Variants in PTPRG observed in about 807,000 individuals in gnomAD.
PTPRG encodes receptor-type tyrosine-protein phosphatase gamma.
In PTPRG, 102 loss-of-function variants were observed where a neutral mutation model predicts 165.3. That is an observed-to-expected ratio of 0.62 (90% CI 0.53 to 0.73). The LOEUF (loss-of-function observed/expected upper bound fraction) is 0.73, where lower values mean the gene tolerates loss of function less well. Among genes scored for constraint, PTPRG ranks in the 30% least tolerant of loss-of-function variants. The probability of loss-of-function intolerance (pLI) is 0.00; values close to 1 mark genes in which losing one functional copy is unlikely to be tolerated. For synonymous variants in PTPRG, 675 were observed against 669.5 expected (o/e 1.01, Z -0.13); for missense variants, 1,866 against 1,861.4 (o/e 1.00, Z -0.05).
In PTPRG at chr3:61,590,803, A is replaced by G. The variant is rs145380932; in HGVS notation, c.85+28431A>G. ...TTAGCATAGTCTTTTTAGTTACAGT[A>G]TAGTATTCTATTGTTGAAAATATGT... On this transcript the variant is annotated intron_variant, in intron 1 of 29. Transcript: ENST00000474889. 5.9e-5 allele frequency among the ~76,000 whole-genome samples: 9 copies of G among 152,196 alleles called. No homozygotes were observed. In the East Asian group the frequency reaches 1.7e-3, roughly 30 times the overall value.
rs57335330 is a variant in PTPRG at position 61,965,244 on chromosome 3, C to CA, written c.191-24366dup. 7.9e-3 allele frequency among the ~76,000 whole-genome samples: 1,067 copies of CA among 134,786 alleles called. 20 individuals are homozygous for CA. Among genetic ancestry groups the CA allele is most frequent in the Middle Eastern group, 0.024 (6 of 252 alleles). The allele number at this position is 134,786 out of a possible 152,430, so 88.4% of individuals were successfully genotyped here. Reference sequence around the variant, plus strand: ...GGGCAACAAGAGCGAAACTCTGTCTCAAAAAAAAAAAAAAATCCAGAATGA... The same window carrying CA: ...GGGCAACAAGAGCGAAACTCTGTCTCAAAAAAAAAAAAAAAATCCAGAATGA... On this transcript the variant is annotated intron_variant, in intron 2 of 29. Coordinates refer to ENST00000474889, the MANE Select transcript of PTPRG (RefSeq NM_002841.4).
At chr3:61,671,975 T>TCCTCACTTCTCGGACGGGGCGGCTGCC (rs1703014837) in intron 1 of PTPRG, among the ~76,000 whole-genome samples, 1 of 18,560 alleles carries the variant, frequency 5.4e-5, no homozygotes, top group Non-Finnish European at 1.0e-4. Flanking sequence ...GGGTGGCTGC[T>TCCTCACTTCTCGGACGGGGCGGCTGCC]GGGCGGAGGG....
chr3:62,093,595 C>T (rs1702015345), intron 5 of PTPRG, among the ~76,000 whole-genome samples: 2 of 152,178 alleles, frequency 1.3e-5, no homozygotes, highest in Non-Finnish European at 2.9e-5. Context: ...GGACGGTATA[C>T]GTTTTCATGC....
chr3:61,882,985 G>A (rs1183675550), intron 2 of PTPRG, among the ~76,000 whole-genome samples: 1 of 151,996 alleles, frequency 6.6e-6, no homozygotes, highest in Non-Finnish European at 1.5e-5. Context: ...CTTCTCCTTA[G>A]CAGACAGAGC....
chr3:62,003,638 A>T lies in PTPRG; in HGVS notation c.519+141A>T, dbSNP rs956144032. 11 of 1,062,674 alleles carry T rather than the reference A, an allele frequency of 1.0e-5. No individual in the cohort carries two copies. The South Asian group carries it at 1.7e-4, about 17-fold the overall frequency. 65.8% of individuals were successfully genotyped at this position (1,062,674 alleles called of 1,614,324 possible). ...CTCTCTCTGGAAACCCTTTATCCAT[A>T]GTATGGCAGGTGGGTATCCATCCTT... is the stretch of plus-strand genomic sequence containing the variant. On this transcript the variant is annotated intron_variant, in intron 4 of 29. Transcript: ENST00000474889.
chr3:61,815,105 A>C (rs1327665261), intron 2 of PTPRG, among the ~76,000 whole-genome samples: 2 of 151,916 alleles, frequency 1.3e-5, no homozygotes, highest in African/African-American at 2.4e-5. Flanking sequence ...TTTATTATTA[A>C]AAGAAATCTG....
At chr3:62,080,989 G>T (rs1204249806) in intron 5 of PTPRG, among the ~76,000 whole-genome samples, 1 of 152,076 alleles carries the variant, frequency 6.6e-6, no homozygotes, top group Non-Finnish European at 1.5e-5. Context: ...CGGGCGCGGT[G>T]GCTCACACCT....
intron 2 of PTPRG, among the ~76,000 whole-genome samples, chr3:61,828,824 T>C (rs1465200538): frequency 6.6e-6 from 1 of 152,210 alleles, no homozygotes; most frequent in African/African-American, 2.4e-5. Context: ...AGAGGTGAGC[T>C]GTGGTTTTCA....
At chr3:61,675,439 T>C (rs1575582130) in intron 1 of PTPRG, among the ~76,000 whole-genome samples, 2 of 139,444 alleles carry the variant, frequency 1.4e-5, no homozygotes, top group African/African-American at 5.4e-5. Flanking sequence ...GCAAGTAATA[T>C]ATGGTTCATG....
At chr3:62,189,785 G>C (rs544123479) in intron 8 of PTPRG, among the ~76,000 whole-genome samples, 1 of 152,240 alleles carries the variant, frequency 6.6e-6, no homozygotes, top group East Asian at 1.9e-4. Context: ...CATCACTCTG[G>C]GGCTCAGTTC....
At chr3:61,870,821 G>A (rs1177975142) in intron 2 of PTPRG, among the ~76,000 whole-genome samples, 3 of 152,026 alleles carry the variant, frequency 2.0e-5, no homozygotes, top group Non-Finnish European at 2.9e-5. Flanking sequence ...TAATAACTGC[G>A]TCATACTAGG....
chr3:61,661,844 C>T (rs925142058), intron 1 of PTPRG, among the ~76,000 whole-genome samples: 3 of 152,180 alleles, frequency 2.0e-5, no homozygotes, highest in African/African-American at 7.2e-5. Flanking sequence ...TTTACAAATA[C>T]TTACCTGTCA....
chr3:61,934,787 A>G (rs1483951917), intron 2 of PTPRG, among the ~76,000 whole-genome samples: 1 of 152,134 alleles, frequency 6.6e-6, no homozygotes, highest in East Asian at 1.9e-4. Flanking sequence ...GCCAGCAGCC[A>G]CTGACCTGGG....
At chr3:61,592,722 A>C (rs1700603277) in intron 1 of PTPRG, among the ~76,000 whole-genome samples, 1 of 149,378 alleles carries the variant, frequency 6.7e-6, no homozygotes, top group African/African-American at 2.5e-5. Flanking sequence ...CCTGTCTCTG[A>C]AAATCACCCT....
At chr3:61,747,327 T>C (rs915156851) in intron 1 of PTPRG, among the ~76,000 whole-genome samples, 12 of 152,146 alleles carry the variant, frequency 7.9e-5, no homozygotes, top group African/African-American at 2.7e-4. Flanking sequence ...TTACTCACTG[T>C]TTTGATGGAA....
chr3:61,603,763 C>T (rs1327604298), intron 1 of PTPRG, among the ~76,000 whole-genome samples: 1 of 152,150 alleles, frequency 6.6e-6, no homozygotes, highest in African/African-American at 2.4e-5. Flanking sequence ...GCATTCCTTG[C>T]CTTGCAGATG....
At chr3:61,841,824 AAAAAC>A (rs371740618) in intron 2 of PTPRG, among the ~76,000 whole-genome samples, 6,349 of 152,174 alleles carry the variant, frequency 0.042, 403 homozygotes, top group African/African-American at 0.14. Context: ...AAACAAAAAC[AAAAAC>A]AAAACAAAAC....
chr3:62,233,040 G>C lies in PTPRG; in HGVS notation c.2375+1729G>C, dbSNP rs1159816242. ...CATGAGGTTGTTGTGAAGATTAAAT[G>C]GGGGTAGTATATGTAAAATGCTTAG... On this transcript the variant is annotated intron_variant, in intron 14 of 29. Transcript: ENST00000474889. This position sits in a 1 kb window ranked among gnomAD's most constrained non-coding sequence, Gnocchi z 4.7. Among the ~76,000 whole-genome samples, 1 of 152,084 alleles carries C rather than the reference G, an allele frequency of 6.6e-6. No individual in the cohort carries two copies. The highest frequency in any genetic ancestry group is 2.4e-5 in the African/African-American group (1 of 41,404).
chr3:61,759,196 A>T (rs1559596461), intron 2 of PTPRG, among the ~76,000 whole-genome samples: 1 of 151,998 alleles, frequency 6.6e-6, no homozygotes, highest in Non-Finnish European at 1.5e-5. Flanking sequence ...TAACTGTCCT[A>T]TGTTTCGTTT....
Sources: gnomAD v4.1 joint callset for allele counts (sites outside exome capture counted in the v4.1 genomes callset) on GRCh38, gnomAD v4.1.1 for gene constraint, Gnocchi (gnomAD v3.1) non-coding constraint, MANE v1.5 for transcripts, NCBI Gene and HGNC (gene_info 2026-07-23, HGNC 2026-07-21) for gene names.